CSNK2A1: variants seen among roughly 807,000 people sequenced by gnomAD.
The protein encoded by CSNK2A1 is casein kinase II subunit alpha.
A neutral mutation model predicts 62.9 loss-of-function variants in CSNK2A1; 10 were observed. That is an observed-to-expected ratio of 0.16 (90% CI 0.10 to 0.27). The LOEUF is 0.27. Ranked by LOEUF, CSNK2A1 falls within the 10% of genes least tolerant of loss-of-function variation. CSNK2A1 has a pLI of 1.00. For synonymous variants in CSNK2A1, 124 were observed against 167.8 expected (o/e 0.74, Z 2.02); for missense variants, 160 against 492.0 (o/e 0.33, Z 6.38).
intron 1 of CSNK2A1, chr20:539,058 T>G (rs1435570759): frequency 1.3e-5 from 2 of 152,234 alleles, no homozygotes; most frequent in African/African-American, 4.8e-5. Context: ...TAAATTGTTT[T>G]ATAGAATCTT....
At chr20:507,135 G>T (rs1182028994) in intron 3 of CSNK2A1, 1 of 152,114 alleles carries the variant, frequency 6.6e-6, no homozygotes, top group Non-Finnish European at 1.5e-5. Flanking sequence ...GGTGGAAGGT[G>T]CCTGTAATCC....
At position 488,474 on chromosome 20, in the gene CSNK2A1, A is replaced by T. The variant is rs992776254; in HGVS notation, c.824+204T>A. ...CCTCTAGCTATAACCCCTCCATCAG[A>T]CTCCTGTAAGTTAATTTGAATAAAG... On this transcript the variant is annotated intron_variant, in intron 11 of 13. Transcript: ENST00000217244. 6 of 493,794 alleles carry T rather than the reference A, an allele frequency of 1.2e-5. No individual in the cohort carries two copies. In the Admixed American group the frequency reaches 2.3e-4, roughly 19 times the overall value. 30.6% of individuals were successfully genotyped at this position (493,794 alleles called of 1,614,324 possible).
rs2017973075 is a variant in CSNK2A1 at position 482,466 on chromosome 20, A to C, written c.*1495T>G. ...CATCCCCAATCCCTGCACTGCTGAGACACAAAATGAGTTTTATGGCAAAGG... is the reference window on the plus strand; with the variant it reads ...CATCCCCAATCCCTGCACTGCTGAGCCACAAAATGAGTTTTATGGCAAAGG... On this transcript the variant is annotated 3_prime_UTR_variant, in exon 14 of 14. Coordinates refer to ENST00000217244, the MANE Select transcript of CSNK2A1 (RefSeq NM_177559.3). 1 of 152,244 alleles carries C rather than the reference A, an allele frequency of 6.6e-6. No homozygotes were observed. The highest frequency in any genetic ancestry group is 6.5e-5 in the Admixed American group (1 of 15,282). The allele number at this position is 152,244 out of a possible 1,614,324, so 9.4% of individuals were successfully genotyped here.
At chr20:516,148 G>C (rs1460338368) in intron 2 of CSNK2A1, among the ~76,000 whole-genome samples, 1 of 152,166 alleles carries the variant, frequency 6.6e-6, no homozygotes, top group Non-Finnish European at 1.5e-5. Flanking sequence ...TATATCTTAA[G>C]GCAATCTAAC....
Position 478,765 on chromosome 20 carries a change from C to CAA in CSNK2A1, c.*5194_*5195dup, listed in dbSNP as rs750062577. The CAA allele has an allele frequency of 0.018, 3,098 of 175,552 alleles. 77 individuals carry two copies. Among genetic ancestry groups the CAA allele is most frequent in the African/African-American group, 0.071 (2,260 of 31,790 alleles). 10.9% of individuals were successfully genotyped at this position (175,552 alleles called of 1,614,324 possible). The stretch of plus-strand genomic sequence containing the variant: ...CAACACGGCAAAACTTCATCTCTAC[C>CAA]AAAAAAAAAAAAAAAAAAATTAGCC... On this transcript the variant is annotated 3_prime_UTR_variant, in exon 14 of 14. Transcript: ENST00000217244.
intron 2 of CSNK2A1, among the ~76,000 whole-genome samples, chr20:517,678 G>A (rs2018855566): frequency 6.6e-6 from 1 of 152,040 alleles, no homozygotes; most frequent in South Asian, 2.1e-4. Context: ...AAATTGCAAA[G>A]CGTAACACTT....
intron 7 of CSNK2A1, among the ~76,000 whole-genome samples, 183 bp downstream of exon 7, chr20:497,537 GC>G (rs2018369983): frequency 6.6e-6 from 1 of 152,066 alleles, no homozygotes; most frequent in Non-Finnish European, 1.5e-5. Context: ...CAATCCTCCT[GC>G]CTCAGCCTTC....
intron 9 of CSNK2A1, among the ~76,000 whole-genome samples, chr20:490,353 G>GT (rs373775413): frequency 0.043 from 2,283 of 53,346 alleles, 35 homozygotes; most frequent in Non-Finnish European, 0.06. Context: ...TTTTTTTTTA[G>GT]TTTTTTTTTT....
chr20:539,290 T>G (rs1190591083), intron 1 of CSNK2A1: 1 of 152,224 alleles, frequency 6.6e-6, no homozygotes, highest in African/African-American at 2.4e-5. Flanking sequence ...GAAAATTTGC[T>G]TCCACATTCA....
rs2017837963 is a variant in CSNK2A1, at chr20:475,796, A to G, written c.*8165T>C. On this transcript the variant is annotated 3_prime_UTR_variant, in exon 14 of 14. Transcript: ENST00000217244. ...GTGTGATTCCATTTGGTCTCTTCTAAGTTTCTGTGATTCATGAGAAGAGCA... is the reference window on the plus strand; with the variant it reads ...GTGTGATTCCATTTGGTCTCTTCTAGGTTTCTGTGATTCATGAGAAGAGCA... The G allele has an allele frequency of 6.6e-6, 1 of 152,186 alleles. No individual in the cohort carries two copies. The highest frequency in any genetic ancestry group is 6.5e-5 in the Admixed American group (1 of 15,278). 9.4% of individuals were successfully genotyped at this position (152,186 alleles called of 1,614,324 possible). A position where few individuals can be genotyped will look rare whatever the true frequency, so the allele number is the denominator to read the frequency against.
At chr20:504,231 C>G (rs1168106961) in intron 4 of CSNK2A1, 2 of 152,152 alleles carry the variant, frequency 1.3e-5, no homozygotes, top group Non-Finnish European at 2.9e-5. Context: ...CTATTTGGAC[C>G]TTGCTACTTA....
At chr20:532,740 A>G (rs1260625149) in intron 1 of CSNK2A1, among the ~76,000 whole-genome samples, 1 of 152,132 alleles carries the variant, frequency 6.6e-6, no homozygotes, top group Non-Finnish European at 1.5e-5. Flanking sequence ...TGAGAAAACT[A>G]TTTCACAATT....
At chr20:488,406 A>G (rs2018147737) in intron 11 of CSNK2A1, 1 of 339,314 alleles carries the variant, frequency 2.9e-6, no homozygotes. Context: ...TTTTGCCTCA[A>G]CTGTAACCCT....
At chr20:498,733 T>G (rs1480284703) in intron 6 of CSNK2A1, 1 of 152,184 alleles carries the variant, frequency 6.6e-6, no homozygotes, top group African/African-American at 2.4e-5. Context: ...ATTGGAACTG[T>G]GTGAAATAAG....
chr20:543,784 C>A lies in CSNK2A1; in HGVS notation c.-339G>T, dbSNP rs545175285. 3 of 398,478 alleles carry A rather than the reference C, an allele frequency of 7.5e-6. No individual in the cohort carries two copies. The highest frequency in any genetic ancestry group is 2.6e-4 in the South Asian group (2 of 7,816). 24.7% of individuals were successfully genotyped at this position (398,478 alleles called of 1,614,324 possible). A position where few individuals can be genotyped will look rare whatever the true frequency, so the allele number is the denominator to read the frequency against. On this transcript the variant is annotated 5_prime_UTR_variant, in exon 1 of 14. Coordinates refer to ENST00000217244, the MANE Select transcript of CSNK2A1 (RefSeq NM_177559.3). ...CGGCCGCCAGCCGCAGGGACCAGAG[C>A]GAGGCTGCAGCCGCTGCTGCCGGAA... is the stretch of plus-strand genomic sequence containing the variant.
chr20:530,529 C>A (rs2019191462), intron 1 of CSNK2A1, among the ~76,000 whole-genome samples: 2 of 148,832 alleles, frequency 1.3e-5, no homozygotes, highest in African/African-American at 5.0e-5. Context: ...AGTGCAATGG[C>A]ATGATCATAG....
At position 543,702 on chromosome 20, in the gene CSNK2A1, C is replaced by T; in HGVS notation, c.-257G>A. The T allele has an allele frequency of 2.5e-6, 1 of 398,460 alleles. No individual in the cohort carries two copies. Among genetic ancestry groups the T allele is most frequent in the Non-Finnish European group, 4.4e-6 (1 of 226,090 alleles). 24.7% of individuals were successfully genotyped at this position (398,460 alleles called of 1,614,324 possible). ...GTGGAAGCGGCAGCGGCGGCGGCCG[C>T]TCTCCCCTCTGCTCACACAGACAAT... On this transcript the variant is annotated 5_prime_UTR_variant, in exon 1 of 14. Transcript: ENST00000217244.
chr20:525,650 C>CAA (rs59103809), intron 2 of CSNK2A1, among the ~76,000 whole-genome samples: 6 of 60,980 alleles, frequency 9.8e-5, no homozygotes, highest in Admixed American at 2.0e-4. Context: ...GACTCCATCT[C>CAA]AAAAAAAAAA....
intron 1 of CSNK2A1, among the ~76,000 whole-genome samples, chr20:541,965 G>A (rs942939708): frequency 2.0e-5 from 3 of 152,154 alleles, no homozygotes; most frequent in African/African-American, 7.2e-5. Context: ...AGGAGAACTA[G>A]TATTGGTACT....
Sources: allele counts gnomAD v4.1 joint callset (sites outside exome capture counted in the v4.1 genomes callset), GRCh38; gene constraint gnomAD v4.1.1; transcripts MANE v1.5; gene names NCBI Gene and HGNC (gene_info 2026-07-23, HGNC 2026-07-21).